COCH: variants seen among roughly 807,000 people sequenced by gnomAD.
COCH encodes cochlin.
In COCH, 40 loss-of-function variants were observed where a neutral mutation model predicts 54.8. That is an observed-to-expected ratio of 0.73 (90% CI 0.57 to 0.95). The LOEUF is 0.95. Ranked by LOEUF, COCH falls within the 40% of genes least tolerant of loss-of-function variation. The pLI is 0.00. For synonymous variants in COCH, 256 were observed against 237.9 expected (o/e 1.08, Z -0.70); for missense variants, 605 against 675.0 (o/e 0.90, Z 1.15).
intron 11 of COCH, among the ~76,000 whole-genome samples, chr14:30,888,652 G>C (rs1895874416): frequency 6.6e-6 from 1 of 152,094 alleles, no homozygotes; most frequent in African/African-American, 2.4e-5. Flanking sequence ...GCTGGGCTTA[G>C]TGGCATGCGC....
intron 9 of COCH, 78 bp downstream of exon 9, chr14:30,884,734 A>G: frequency 7.7e-7 from 1 of 1,305,142 alleles, no homozygotes; most frequent in South Asian, 1.2e-5. Context: ...GTATTATGCT[A>G]TTTTATATGA....
At chr14:30,894,914 A>C, downstream of COCH, 1 of 1,099,550 alleles carries the variant, frequency 9.1e-7, no homozygotes, top group Admixed American at 3.5e-5. Context: ...TTTTTAAAGC[A>C]AAATAAGTTT....
At chr14:30,894,903 TTTTTTA>T, downstream of COCH, 1 of 1,066,874 alleles carries the variant, frequency 9.4e-7, no homozygotes, top group Admixed American at 3.4e-5. Flanking sequence ...CTTTTTTTTT[TTTTTTA>T]AAGCAAAATA....
chr14:30,887,881 A>G (rs1425906526), intron 11 of COCH, among the ~76,000 whole-genome samples: 2 of 152,222 alleles, frequency 1.3e-5, no homozygotes, highest in Non-Finnish European at 2.9e-5. Flanking sequence ...GTTTACTATC[A>G]TATTCCTTAA....
At position 30,877,575 on chromosome 14, in the gene COCH, C is replaced by T; in HGVS notation, c.86C>T (p.Pro29Leu). 1.2e-6 allele frequency: 2 copies of T among 1,614,136 alleles called. No individual in the cohort carries two copies. Among genetic ancestry groups the T allele is most frequent in the East Asian group, 2.2e-5 (1 of 44,882 alleles). Residue 29 changes from proline to leucine, a missense_variant, in exon 4 of 12, where the codon CCC (proline) becomes CTC (leucine). Physicochemically the swap from Pro to Leu is moderately conservative, Grantham distance 98 (BLOSUM62 -3). Transcript: ENST00000396618. The surrounding 1 kb of genome is among the most constrained non-coding windows in gnomAD (Gnocchi z 8.6). ...ATATTATCTCCTTTTTCTTCAGCTCCCATTGCTATCACATGTTTTACCAGA... is the reference window on the plus strand; with the variant it reads ...ATATTATCTCCTTTTTCTTCAGCTCTCATTGCTATCACATGTTTTACCAGA... ...PGPAGSEGAA[P>L]IAITCFTRGL...
chr14:30,882,291 G>C (rs1566410624), intron 8 of COCH, among the ~76,000 whole-genome samples: 1 of 151,368 alleles, frequency 6.6e-6, no homozygotes, highest in Admixed American at 6.6e-5. Flanking sequence ...TACTACGCCT[G>C]GCTAATTTTT....
At chr14:30,879,294 G>C in intron 5 of COCH, 129 bp from the exon 6 acceptor site, 1 of 920,870 alleles carries the variant, frequency 1.1e-6, no homozygotes, top group Non-Finnish European at 1.7e-6. Flanking sequence ...CTAGCATGCA[G>C]CAGGATGTTT....
chr14:30,891,297 T>C (rs1895976806), downstream of COCH, among the ~76,000 whole-genome samples: 1 of 152,172 alleles, frequency 6.6e-6, no homozygotes, highest in Admixed American at 6.5e-5. Flanking sequence ...AGAGGTGCTC[T>C]ATCATCCCAC....
rs542135133 is a variant in COCH, at chr14:30,890,148, C to A, written c.*357C>A. ...TGATACTTAGACCAAAAGCAACATT[C>A]GTTCTCTAACCATTCTGTATTGATT... On this transcript the variant is annotated 3_prime_UTR_variant, in exon 12 of 12. Coordinates refer to ENST00000396618, the MANE Select transcript of COCH (RefSeq NM_004086.3). 5.9e-6 allele frequency: 6 copies of A among 1,009,562 alleles called. No homozygotes were observed. Among genetic ancestry groups the A allele is most frequent in the Non-Finnish European group, 7.1e-6 (6 of 843,862 alleles). 62.5% of individuals were successfully genotyped at this position (1,009,562 alleles called of 1,614,324 possible).
Position 30,877,273 on chromosome 14 carries a change from C to A in COCH, c.83-299C>A. The A allele has an allele frequency of 2.7e-6, 1 of 375,720 alleles. No homozygotes were observed. The highest frequency in any genetic ancestry group is 5.0e-6 in the Non-Finnish European group (1 of 198,672). The allele number at this position is 375,720 out of a possible 1,614,324, so 23.3% of individuals were successfully genotyped here. The stretch of plus-strand genomic sequence containing the variant: ...GAGTTGGAGGTGGATCACTTGAGCT[C>A]GGGAATTTGAGCCTAGCTTGGGCAA... On this transcript the variant is annotated intron_variant, in intron 3 of 11. Coordinates refer to ENST00000396618, the MANE Select transcript of COCH (RefSeq NM_004086.3). This position sits in a 1 kb window ranked among gnomAD's most constrained non-coding sequence, Gnocchi z 8.6.
At position 30,890,236 on chromosome 14, in the gene COCH, CATATTTTGACCCAAGTGG is replaced by C. The variant is rs1204689387; in HGVS notation, c.*453_*470del. ...AGCTCTTTAACATGGTTCAGGTACA[CATATTTTGACCCAAGTGG>C]ATATTTTCTTAAAACCAATCAATAA... On this transcript the variant is annotated 3_prime_UTR_variant, in exon 12 of 12. Transcript: ENST00000396618. The C allele has an allele frequency of 3.0e-6, 3 of 986,898 alleles. No homozygotes were observed. In the Admixed American group the frequency reaches 1.8e-4, roughly 59 times the overall value. The allele number at this position is 986,898 out of a possible 1,614,324, so 61.1% of individuals were successfully genotyped here.
chr14:30,874,653 C>T (rs958356632), intron 1 of COCH, 62 bp downstream of exon 1: 2 of 572,930 alleles, frequency 3.5e-6, no homozygotes, highest in South Asian at 2.0e-5. Context: ...GTCCCTGTTT[C>T]TTTGTCGCTC....
rs887756447 is a variant in COCH at position 30,877,709 on chromosome 14, T to C, written c.220T>C (p.Cys74Arg). The C allele has an allele frequency of 2.5e-6, 4 of 1,614,108 alleles. No homozygotes were observed. The highest frequency in any genetic ancestry group is 1.7e-5 in the Admixed American group (1 of 60,006). Residue 74 changes from cysteine (C) to arginine (R), a missense_variant, in exon 4 of 12, where the codon TGT (cysteine) becomes CGT (arginine). By Grantham distance (180) the Cys-to-Arg change is radical. Transcript: ENST00000396618. This position sits in a 1 kb window ranked among gnomAD's most constrained non-coding sequence, Gnocchi z 8.6. ...NIVYASVSSICGAAVHRGVIS... is the reference protein window; with the variant it reads ...NIVYASVSSIRGAAVHRGVIS... ...AGTATATGCTTCTGTATCGAGCATA[T>C]GTGGGGCTGCTGTCCACAGGTAAGC...
At chr14:30,894,976 A>T, downstream of COCH, 1 of 965,560 alleles carries the variant, frequency 1.0e-6, no homozygotes. Flanking sequence ...CTAAGAGATG[A>T]AAAAAAGCTA....
At chr14:30,885,083 A>C in intron 9 of COCH, 1 of 1,574,628 alleles carries the variant, frequency 6.4e-7, no homozygotes. Flanking sequence ...GAGCACATGC[A>C]TGGAAGTGGG....
downstream of COCH, among the ~76,000 whole-genome samples, chr14:30,892,103 ACTAT>A (rs199882374): frequency 2.2e-5 from 3 of 133,614 alleles, no homozygotes; most frequent in South Asian, 4.5e-4. Context: ...TGTATAAAGT[ACTAT>A]TTAATAGTGA....
In COCH at chr14:30,885,523, T is replaced by C. The variant is rs751540613; in HGVS notation, c.863T>C (p.Val288Ala). The C allele has an allele frequency of 1.2e-6, 2 of 1,613,386 alleles. No homozygotes were observed. Among genetic ancestry groups the C allele is most frequent in the Non-Finnish European group, 1.7e-6 (2 of 1,179,366 alleles). Residue 288 changes from valine to alanine, a missense_variant, in exon 10 of 12, where the codon GTG (valine) becomes GCG (alanine). Val to Ala is a moderately conservative substitution (Grantham distance 64, BLOSUM62 0). Coordinates refer to ENST00000396618, the MANE Select transcript of COCH (RefSeq NM_004086.3). ...GATGACATCGAGGAAGCAGGCATTG[T>C]GGCCAGAGAGTTTGGTGTCAATGTA... ...PSDDIEEAGI[V>A]AREFGVNVFI... is the part of the protein sequence containing the mutation.
intron 2 of COCH, 29 bp from the exon 3 acceptor site, chr14:30,875,027 A>G: frequency 6.2e-7 from 1 of 1,612,582 alleles, no homozygotes. Flanking sequence ...TGGAGGCTGG[A>G]GCCAGCCCTC....
chr14:30,888,224 G>A (rs1199035508), intron 11 of COCH, among the ~76,000 whole-genome samples: 1 of 151,490 alleles, frequency 6.6e-6, no homozygotes, highest in Non-Finnish European at 1.5e-5. Context: ...AACTGAGGGG[G>A]AGGAAAAAAA....
Sources: allele counts gnomAD v4.1 joint callset (sites outside exome capture counted in the v4.1 genomes callset), GRCh38; gene constraint gnomAD v4.1.1; non-coding constraint Gnocchi (gnomAD v3.1); transcripts MANE v1.5; gene names NCBI Gene and HGNC (gene_info 2026-07-23, HGNC 2026-07-21).